PTP4A1: variants seen among roughly 807,000 people sequenced by gnomAD.
PTP4A1 encodes the protein protein tyrosine phosphatase type IVA 1.
PTP4A1 carries 9 observed loss-of-function variants against 20.5 expected under a neutral mutation model. The ratio of observed to expected loss-of-function variants is 0.44; its 90% CI spans 0.26 to 0.77. The LOEUF (loss-of-function observed/expected upper bound fraction) is 0.77. Ranked by LOEUF, PTP4A1 falls within the 30% of genes least tolerant of loss-of-function variation. PTP4A1 has a pLI of 0.19. For missense variants in PTP4A1, 137 were observed against 218.8 expected, an observed-to-expected ratio of 0.63 and a Z score of 2.36; for synonymous variants, 78 against 67.4, an observed-to-expected ratio of 1.16 and a Z score of -0.77.
intron 1 of PTP4A1, 36 bp downstream of exon 1, chr6:63,572,755 G>A (rs764702798): frequency 2.5e-6 from 1 of 398,468 alleles, no homozygotes; most frequent in Non-Finnish European, 4.4e-6. Context: ...CTCGGGCTGG[G>A]AATCCACGAC....
At chr6:63,527,526 T>A (rs1258664304) in intron 1 of PTP4A1, among the ~76,000 whole-genome samples, 1 of 152,242 alleles carries the variant, frequency 6.6e-6, no homozygotes, top group African/African-American at 2.4e-5. Context: ...ATGTGCTTTA[T>A]ACTGTGTCCA....
chr6:63,570,063 A>G (rs117178417), upstream of PTP4A1, among the ~76,000 whole-genome samples: 385 of 152,358 alleles, frequency 2.5e-3, 21 homozygotes, highest in East Asian at 0.067. Context: ...GCAAGACCAC[A>G]CTTATATCTT....
chr6:63,559,753 A>G (rs1226425392), intron 3 of PTP4A1, among the ~76,000 whole-genome samples: 2 of 148,832 alleles, frequency 1.3e-5, no homozygotes, highest in South Asian at 2.1e-4. Context: ...TCAAAAGAGG[A>G]AAAAAAAAAT....
At chr6:63,578,654 T>C (rs1447431236) in intron 3 of PTP4A1, 125 bp downstream of exon 3, 16 of 1,343,120 alleles carry the variant, frequency 1.2e-5, no homozygotes, top group Non-Finnish European at 1.6e-5. Flanking sequence ...ACAAATATTA[T>C]ATTATTGTGC....
chr6:63,529,914 A>G (rs894674438), intron 2 of PTP4A1, among the ~76,000 whole-genome samples: 10 of 152,212 alleles, frequency 6.6e-5, no homozygotes, highest in Non-Finnish European at 1.0e-4. Context: ...TATTTTCACT[A>G]TTAAAGAAAT....
chr6:63,569,704 A>G (rs1043867345), upstream of PTP4A1, among the ~76,000 whole-genome samples: 4 of 152,316 alleles, frequency 2.6e-5, no homozygotes, highest in African/African-American at 7.2e-5. Context: ...TCCAGCTGAG[A>G]ATCTTGTTTA....
rs1777507811 is a variant in PTP4A1 at position 63,572,516 on chromosome 6, CG to C, written c.-647del. 1 of 391,662 alleles carries C rather than the reference CG, an allele frequency of 2.6e-6. No individual in the cohort carries two copies. Among genetic ancestry groups the C allele is most frequent in the East Asian group, 3.6e-5 (1 of 27,556 alleles). 24.3% of individuals were successfully genotyped at this position (391,662 alleles called of 1,614,324 possible). A position where few individuals can be genotyped will look rare whatever the true frequency, so the allele number is the denominator to read the frequency against. On this transcript the variant is annotated 5_prime_UTR_variant, in exon 1 of 6. Transcript: ENST00000626021. ...TGTATTGGCTCCTTCGGCTGCGGGC[CG>C]GCTCGGCTACGCGCTCTGCTCCGAG...
At chr6:63,546,396 G>T (rs1776180375) in intron 2 of PTP4A1, among the ~76,000 whole-genome samples, 1 of 152,094 alleles carries the variant, frequency 6.6e-6, no homozygotes, top group African/African-American at 2.4e-5. Context: ...GAAAAATCAG[G>T]AGATGTTGTT....
upstream of PTP4A1, among the ~76,000 whole-genome samples, chr6:63,517,203 T>C (rs577361979): frequency 1.7e-4 from 26 of 152,194 alleles, no homozygotes; most frequent in South Asian, 5.2e-3. Context: ...AAAAATAAAA[T>C]ATATCTGGAA....
rs1459798175 is a variant in PTP4A1, at chr6:63,582,555, G to A, written c.*2381G>A. 1 of 152,532 alleles carries A rather than the reference G, an allele frequency of 6.6e-6. No homozygotes were observed. The highest frequency in any genetic ancestry group is 1.9e-4 in the East Asian group (1 of 5,196). The allele number at this position is 152,532 out of a possible 1,614,324, so 9.4% of individuals were successfully genotyped here. On this transcript the variant is annotated 3_prime_UTR_variant, in exon 6 of 6. Transcript: ENST00000626021. The stretch of plus-strand genomic sequence containing the variant: ...CTTATATCTAATAAGAGTTCAAAGA[G>A]TTATGAGTTGAAGTCTTGAATGCAG...
At chr6:63,550,773 C>A (rs993865331) in intron 3 of PTP4A1, among the ~76,000 whole-genome samples, 2 of 151,896 alleles carry the variant, frequency 1.3e-5, no homozygotes, top group Non-Finnish European at 2.9e-5. Flanking sequence ...TATAGGCACC[C>A]ACCACCATGC....
chr6:63,550,760 G>A (rs1338145426), intron 3 of PTP4A1, among the ~76,000 whole-genome samples: 3 of 151,898 alleles, frequency 2.0e-5, no homozygotes, highest in Non-Finnish European at 2.9e-5. Flanking sequence ...GAGTAGCTGG[G>A]ATTATAGGCA....
intron 3 of PTP4A1, among the ~76,000 whole-genome samples, chr6:63,561,418 A>T (rs1776945915): frequency 6.6e-6 from 1 of 152,222 alleles, no homozygotes; most frequent in South Asian, 2.1e-4. Context: ...CAACCAGCAC[A>T]TTCAGTACAG....
At chr6:63,522,458 C>T (rs1774970742) in intron 1 of PTP4A1, among the ~76,000 whole-genome samples, 1 of 152,130 alleles carries the variant, frequency 6.6e-6, no homozygotes, top group Non-Finnish European at 1.5e-5. Flanking sequence ...TGAAACAGAC[C>T]AAATGCCAGA....
rs534748307 is a variant in PTP4A1 at position 63,548,921 on chromosome 6, C to G, written c.-639-1379C>G. On this transcript the variant is annotated intron_variant, in intron 2 of 3. Transcript: ENST00000639568. ...TGAAGGCGACAGTGGTGCAGGTCTT[C>G]CTGTGGACTAGACGTCCCAGTCTTG... 1.7e-5 allele frequency: 15 copies of G among 888,732 alleles called. No individual in the cohort carries two copies. The African/African-American group carries it at 2.3e-4, about 13-fold the overall frequency. 55.1% of individuals were successfully genotyped at this position (888,732 alleles called of 1,614,324 possible).
chr6:63,522,078 G>T (rs1047838773), intron 1 of PTP4A1, among the ~76,000 whole-genome samples: 11 of 152,132 alleles, frequency 7.2e-5, no homozygotes, highest in African/African-American at 2.4e-4. Context: ...TCATGTCTTG[G>T]ATTACATTGG....
intron 2 of PTP4A1, among the ~76,000 whole-genome samples, chr6:63,544,760 C>T (rs1019553690): frequency 1.3e-5 from 2 of 152,140 alleles, no homozygotes; most frequent in Non-Finnish European, 2.9e-5. Context: ...GCAGGAATAT[C>T]TCTGAAGTGA....
At chr6:63,558,249 G>A (rs2149493950) in intron 3 of PTP4A1, among the ~76,000 whole-genome samples, 1 of 152,138 alleles carries the variant, frequency 6.6e-6, no homozygotes, top group South Asian at 2.1e-4. Context: ...ATACAACTCA[G>A]AAAATATTGT....
At chr6:63,572,353 A>G (rs1039388469), upstream of PTP4A1, 1 of 281,624 alleles carries the variant, frequency 3.6e-6, no homozygotes, top group South Asian at 1.7e-4. Flanking sequence ...CCGCGGAGTG[A>G]CGTCCGGAGG....
Sources: gnomAD v4.1 joint callset for allele counts (sites outside exome capture counted in the v4.1 genomes callset) on GRCh38, gnomAD v4.1.1 for gene constraint, MANE v1.5 for transcripts, NCBI Gene and HGNC (gene_info 2026-07-23, HGNC 2026-07-21) for gene names.